MMP24: variants seen among roughly 807,000 people sequenced by gnomAD.
MMP24 encodes the protein matrix metalloproteinase-24.
MMP24 carries 25 observed loss-of-function variants against 62.8 expected under a neutral mutation model. The observed-to-expected ratio is 0.40, with a 90% CI of 0.29 to 0.56. The LOEUF (loss-of-function observed/expected upper bound fraction) is 0.56, where lower values mean the gene tolerates loss of function less well. MMP24 is among the 20% of genes least tolerant of loss of function. MMP24 has a pLI of 0.50. For synonymous variants in MMP24, 319 were observed against 350.5 expected (o/e 0.91, Z 1.00); for missense variants, 634 against 853.6 (o/e 0.74, Z 3.21).
intron 5 of MMP24, among the ~76,000 whole-genome samples, chr20:35,265,913 C>G (rs2060631402): frequency 6.6e-6 from 1 of 152,032 alleles, no homozygotes; most frequent in Non-Finnish European, 1.5e-5. Flanking sequence ...TGATGCAGGT[C>G]TGTAAAGCCA....
At chr20:35,268,137 G>A (rs894163432) in intron 6 of MMP24, 1 of 152,480 alleles carries the variant, frequency 6.6e-6, no homozygotes, top group Non-Finnish European at 1.5e-5. Context: ...CTGGGGCTAC[G>A]GTGGCCTGTC....
At chr20:35,240,336 G>A (rs951785738) in intron 1 of MMP24, among the ~76,000 whole-genome samples, 1 of 151,898 alleles carries the variant, frequency 6.6e-6, no homozygotes, top group East Asian at 1.9e-4. Flanking sequence ...TGATCTCTAC[G>A]TCTTTGGCTC....
At position 35,274,194 on chromosome 20, in the gene MMP24, G is replaced by A. The variant is rs2060689700; in HGVS notation, c.1601-78G>A. 3 of 1,414,292 alleles carry A rather than the reference G, an allele frequency of 2.1e-6. No homozygotes were observed. Among genetic ancestry groups the A allele is most frequent in the African/African-American group, 1.4e-5 (1 of 71,170 alleles). 87.6% of individuals were successfully genotyped at this position (1,414,292 alleles called of 1,614,324 possible). On this transcript the variant is annotated intron_variant, in intron 8 of 8. Coordinates refer to ENST00000246186, the MANE Select transcript of MMP24 (RefSeq NM_006690.4). The surrounding 1 kb of genome is among the most constrained non-coding windows in gnomAD (Gnocchi z 5.1). The stretch of plus-strand genomic sequence containing the variant: ...CCTTGCCTCCCTTGCCACAGTGCCT[G>A]TGCCCTCCTTTTCACACTGCCCCAG...
intron 1 of MMP24, among the ~76,000 whole-genome samples, chr20:35,245,280 G>A (rs1424889776): frequency 6.6e-6 from 1 of 151,990 alleles, no homozygotes; most frequent in East Asian, 1.9e-4. Context: ...TTTCACCTCA[G>A]CCTCTTAAAG....
chr20:35,231,598 A>C (rs1237575037), intron 1 of MMP24, among the ~76,000 whole-genome samples: 1 of 152,122 alleles, frequency 6.6e-6, no homozygotes, highest in Admixed American at 6.5e-5. Context: ...GGTGCTTTGC[A>C]CTTCCCATAT....
intron 1 of MMP24, among the ~76,000 whole-genome samples, chr20:35,242,984 C>T (rs202144230): frequency 6.6e-6 from 1 of 151,994 alleles, no homozygotes; most frequent in South Asian, 2.1e-4. Flanking sequence ...TCAAGACCAG[C>T]CTGGCCAACA....
At chr20:35,260,893 C>T (rs1213813195) in intron 4 of MMP24, among the ~76,000 whole-genome samples, 4 of 152,204 alleles carry the variant, frequency 2.6e-5, no homozygotes, top group Admixed American at 2.6e-4. Flanking sequence ...AATCCCCACC[C>T]CCATGTGTCC....
At chr20:35,238,711 C>T (rs2060475004) in intron 1 of MMP24, among the ~76,000 whole-genome samples, 2 of 152,134 alleles carry the variant, frequency 1.3e-5, no homozygotes, top group South Asian at 4.1e-4. Flanking sequence ...GGTCCACTCC[C>T]TCACCTCCTT....
intron 1 of MMP24, among the ~76,000 whole-genome samples, chr20:35,233,586 A>T (rs1341467985): frequency 6.6e-6 from 1 of 152,166 alleles, no homozygotes; most frequent in African/African-American, 2.4e-5. Context: ...CCAAAATCTG[A>T]TCACCTTACT....
chr20:35,261,629 T>C (rs1235174175), intron 4 of MMP24, among the ~76,000 whole-genome samples: 1 of 152,120 alleles, frequency 6.6e-6, no homozygotes, highest in Non-Finnish European at 1.5e-5. Context: ...CTTGAATCCC[T>C]GCCTCAATCT....
chr20:35,256,689 A>AT (rs1273800055), intron 4 of MMP24, among the ~76,000 whole-genome samples: 2 of 136,344 alleles, frequency 1.5e-5, no homozygotes, highest in African/African-American at 5.5e-5. Flanking sequence ...ACTGCACTCC[A>AT]GCCTGGGCAA....
In MMP24 at chr20:35,276,229, A is replaced by G. The variant is rs1020699412; in HGVS notation, c.*1620A>G. 2.0e-5 allele frequency: 8 copies of G among 398,810 alleles called. No homozygotes were observed. The highest frequency in any genetic ancestry group is 8.8e-5 in the Admixed American group (2 of 22,716). 24.7% of individuals were successfully genotyped at this position (398,810 alleles called of 1,614,324 possible). On this transcript the variant is annotated 3_prime_UTR_variant, in exon 9 of 9. Transcript: ENST00000246186. ...AAAATCTCTTGTCCCAGAGGTGCCC[A>G]TGTGGGTCCGCTGTGTCCCCTGTCA...
rs182291422 is a variant in MMP24 at position 35,257,785 on chromosome 20, T to C, written c.817+3031T>C. Among the ~76,000 whole-genome samples the C allele has an allele frequency of 8.5e-5, 13 of 152,258 alleles. No homozygotes were observed. The East Asian group carries it at 1.7e-3, about 20-fold the overall frequency. On this transcript the variant is annotated intron_variant, in intron 4 of 8. Coordinates refer to ENST00000246186, the MANE Select transcript of MMP24 (RefSeq NM_006690.4). ...GCCAATTCTGATAGAAATTCCAAGA[T>C]TGCTAATGTTTTCTTTGGATAAGAA...
chr20:35,234,331 T>TA (rs2060452035), intron 1 of MMP24, among the ~76,000 whole-genome samples: 1 of 152,204 alleles, frequency 6.6e-6, no homozygotes. Flanking sequence ...TCATTCCACT[T>TA]ATCACCACTG....
intron 5 of MMP24, among the ~76,000 whole-genome samples, chr20:35,265,110 G>A (rs1476418379): frequency 6.6e-6 from 1 of 152,210 alleles, no homozygotes; most frequent in Non-Finnish European, 1.5e-5. Flanking sequence ...GTGAGAGGAA[G>A]GAGGGAGGGT....
chr20:35,246,376 C>A (rs781260867), intron 1 of MMP24, among the ~76,000 whole-genome samples: 9 of 151,820 alleles, frequency 5.9e-5, no homozygotes, highest in Non-Finnish European at 1.2e-4. Flanking sequence ...ATTCGGGAGG[C>A]TGAGGCAGGA....
chr20:35,258,024 T>C (rs953537507), intron 4 of MMP24, among the ~76,000 whole-genome samples: 2 of 152,186 alleles, frequency 1.3e-5, no homozygotes, highest in African/African-American at 4.8e-5. Flanking sequence ...TTTGAACTTA[T>C]TAGCTTACTT....
chr20:35,251,116 C>CTTTTT (rs59317276), intron 2 of MMP24, among the ~76,000 whole-genome samples: 2 of 138,816 alleles, frequency 1.4e-5, no homozygotes, highest in African/African-American at 2.7e-5. Context: ...TAAGCCACTT[C>CTTTTT]TTTTTTTTTT....
chr20:35,273,455 T>A (rs2060684544), intron 8 of MMP24, among the ~76,000 whole-genome samples: 1 of 151,650 alleles, frequency 6.6e-6, no homozygotes, highest in Admixed American at 6.6e-5. Context: ...GGGGGCCGTG[T>A]TAGAGATGGC....
Sources: gnomAD v4.1 joint callset for allele counts (sites outside exome capture counted in the v4.1 genomes callset) on GRCh38, gnomAD v4.1.1 for gene constraint, Gnocchi (gnomAD v3.1) non-coding constraint, MANE v1.5 for transcripts, NCBI Gene and HGNC (gene_info 2026-07-23, HGNC 2026-07-21) for gene names.